Variants in PPM1M observed in about 807,000 individuals in gnomAD.
The protein encoded by PPM1M is protein phosphatase, Mg2+/Mn2+ dependent 1M.
PPM1M carries 44 observed loss-of-function variants against 50.8 expected under a neutral mutation model. The ratio of observed to expected loss-of-function variants is 0.87; its 90% CI spans 0.68 to 1.11. The LOEUF (loss-of-function observed/expected upper bound fraction) is 1.11. Ranked by LOEUF, PPM1M falls within the 50% of genes most tolerant of loss-of-function variation. The pLI is 0.00. For synonymous variants in PPM1M, 224 were observed against 242.9 expected, an observed-to-expected ratio of 0.92 and a Z score of 0.72; for missense variants, 556 against 593.4, an observed-to-expected ratio of 0.94 and a Z score of 0.66.
chr3:52,249,088 C>T, intron 8 of PPM1M, 25 bp downstream of exon 8: 2 of 1,608,058 alleles, frequency 1.2e-6, no homozygotes, highest in Non-Finnish European at 1.7e-6. Context: ...CTGTCCAACC[C>T]AGCTTCCATC....
In PPM1M at chr3:52,249,082, C is replaced by T. The variant is rs1278039855; in HGVS notation, c.1086+19C>T. The T allele has an allele frequency of 6.2e-7, 1 of 1,607,804 alleles. No individual in the cohort carries two copies. Among genetic ancestry groups the T allele is most frequent in the African/African-American group, 1.3e-5 (1 of 74,792 alleles). On this transcript the variant is annotated intron_variant, in intron 8 of 9. Transcript: ENST00000323588. ...GCCACAGGTAAGGGGGCAACGCTGTCCAACCCAGCTTCCATCTGCCCAGAA... is the reference window on the plus strand; with the variant it reads ...GCCACAGGTAAGGGGGCAACGCTGTTCAACCCAGCTTCCATCTGCCCAGAA...
intron 8 of PPM1M, 29 bp downstream of exon 8, chr3:52,249,092 T>C: frequency 6.2e-7 from 1 of 1,608,330 alleles, no homozygotes; most frequent in African/African-American, 1.3e-5. Context: ...CCAACCCAGC[T>C]TCCATCTGCC....
rs773210447 is a variant in PPM1M, at chr3:52,247,702, G to A, written c.618G>A (p.Glu206=). The A allele has an allele frequency of 2.5e-6, 4 of 1,603,750 alleles. No homozygotes were observed. The highest frequency in any genetic ancestry group is 4.5e-5 in the East Asian group (2 of 44,550). Reference sequence around the variant, plus strand: ...CCCAGGATGAGGTGATCGGGCGGGAGCTGGAGGCCTCAGGCCAGATGGGCG... The same window carrying A: ...CCCAGGATGAGGTGATCGGGCGGGAACTGGAGGCCTCAGGCCAGATGGGCG... ...FQECDEVIGR[E]LEASGQMGGC... Residue 206 remains glutamate, a synonymous_variant, in exon 4 of 10, where the codon GAG becomes GAA. Coordinates refer to ENST00000323588, the MANE Select transcript of PPM1M (RefSeq NM_144641.4).
At chr3:52,248,110 T>C (rs371278965) in intron 4 of PPM1M, 43 bp from the exon 5 acceptor site, 2 of 1,518,734 alleles carry the variant, frequency 1.3e-6, no homozygotes, top group African/African-American at 2.8e-5. Flanking sequence ...TGGGTGAGGG[T>C]GGAGGCCTCC....
rs557005038 is a variant in PPM1M at position 52,247,081 on chromosome 3, C to T, written c.450C>T (p.Ala150=). 18 of 1,581,988 alleles carry T rather than the reference C, an allele frequency of 1.1e-5. No homozygotes were observed. The highest frequency in any genetic ancestry group is 2.3e-5 in the South Asian group (2 of 86,754). ...LHSCLRRQLE[A]VVEGLVATQP... ...CCTGCTTGCGCCGGCAGCTGGAGGC[C>T]GTGGTGGAAGGCTTGGTGGCCACTC... The change falls in exon 3 of 10, where the codon GCC becomes GCT. Residue 150 remains alanine (A), a synonymous_variant. Coordinates refer to ENST00000323588, the MANE Select transcript of PPM1M (RefSeq NM_144641.4).
rs1699914890 is a variant in PPM1M at position 52,249,025 on chromosome 3, A to G, written c.1048A>G (p.Asn350Asp). 1.9e-6 allele frequency: 3 copies of G among 1,611,552 alleles called. No individual in the cohort carries two copies. Among genetic ancestry groups the G allele is most frequent in the Non-Finnish European group, 2.5e-6 (3 of 1,178,886 alleles). Residue 350 changes from asparagine (N) to aspartate (D), a missense_variant, in exon 8 of 10, where the codon AAC (asparagine) becomes GAC (aspartate). By Grantham distance (23) the Asn-to-Asp change is conservative (BLOSUM62 1). Transcript: ENST00000323588. ...CCATCAGCTCAGAGTCCTGGACACA[A>G]ACATCCAGCTCAAGCCCTTCTTGCT... is the stretch of plus-strand genomic sequence containing the variant. The part of the protein sequence containing the change: ...GDHQLRVLDT[N>D]IQLKPFLLSV...
chr3:52,246,451 C>G (rs1699858088), intron 1 of PPM1M: 1 of 836,348 alleles, frequency 1.2e-6, no homozygotes, highest in Non-Finnish European at 1.6e-6. Context: ...GCAACCTACC[C>G]TTACCGTCTA....
In PPM1M at chr3:52,245,950, C is replaced by T. The variant is rs1252207526; in HGVS notation, c.126C>T (p.Ser42=). ...RRPRFLRGSS[S]SPGAADASRR... is the part of the protein sequence containing the mutation. The stretch of plus-strand genomic sequence containing the variant: ...CCCGCTTCCTTCGCGGCTCCAGCTC[C>T]AGCCCCGGGGCGGCCGACGCCTCGC... The change falls in exon 1 of 10, where the codon TCC becomes TCT. Residue 42 remains serine, a synonymous_variant. Transcript: ENST00000323588. The surrounding 1 kb of genome is among the most constrained non-coding windows in gnomAD (Gnocchi z 4.8). The T allele has an allele frequency of 2.4e-6, 3 of 1,248,324 alleles. No individual in the cohort carries two copies. In the Admixed American group the frequency reaches 7.7e-5, roughly 32 times the overall value. 77.3% of individuals were successfully genotyped at this position (1,248,324 alleles called of 1,614,324 possible).
chr3:52,248,545 G>A, intron 6 of PPM1M, 92 bp downstream of exon 6: 2 of 1,584,354 alleles, frequency 1.3e-6, no homozygotes, highest in Non-Finnish European at 1.7e-6. Context: ...TTGGCAGGGT[G>A]GCACTGTGAG....
Position 52,249,911 on chromosome 3 carries a change from C to A in PPM1M, c.*97C>A. 2 of 1,121,580 alleles carry A rather than the reference C, an allele frequency of 1.8e-6. No individual in the cohort carries two copies. The highest frequency in any genetic ancestry group is 1.3e-6 in the Non-Finnish European group (1 of 778,252). 69.5% of individuals were successfully genotyped at this position (1,121,580 alleles called of 1,614,324 possible). On this transcript the variant is annotated 3_prime_UTR_variant, in exon 10 of 10. Transcript: ENST00000323588. The stretch of plus-strand genomic sequence containing the variant: ...AGAGCAAATCCTGCCTGCCCTATCC[C>A]TAGCCACCGCCCAGTGCTCTCACTA...
chr3:52,248,026 G>A, intron 4 of PPM1M, 127 bp from the exon 5 acceptor site: 1 of 893,182 alleles, frequency 1.1e-6, no homozygotes, highest in Admixed American at 2.1e-5. Context: ...GGTAGTCATG[G>A]AGGGCTTTAA....
intron 2 of PPM1M, 53 bp downstream of exon 2, chr3:52,246,865 G>A (rs1252523873): frequency 7.4e-6 from 11 of 1,488,572 alleles, no homozygotes; most frequent in Non-Finnish European, 9.9e-6. Flanking sequence ...CTGGGGCCAC[G>A]ACCTGCAGGC....
chr3:52,248,662 G>C lies in PPM1M; in HGVS notation c.940G>C (p.Asp314His). 1 of 1,613,870 alleles carries C rather than the reference G, an allele frequency of 6.2e-7. No homozygotes were observed. The change falls in exon 7 of 10, where the codon GAT becomes CAT. Residue 314 changes from aspartate (D) to histidine (H), a missense_variant. Transcript: ENST00000323588. ...GAGCTACAAACGTGTGGAGAAATCG[G>C]ATCTCAAGTACCCACTGATCCATGG... ...GWSYKRVEKS[D>H]LKYPLIHGQG...
In PPM1M at chr3:52,247,003, C is replaced by G. The variant is rs565913958; in HGVS notation, c.372C>G (p.Phe124Leu). ...TGACAGGCCATTACTGGGCACTGTT[C>G]GATGGGCACGGCGGTCCTGCAGCAG... ...EFLTGHYWAL[F>L]DGHGGPAAAI... The change falls in exon 3 of 10, where the codon TTC becomes TTG. Residue 124 changes from phenylalanine (F) to leucine (L), a missense_variant. Phe to Leu is a conservative substitution (Grantham distance 22). Coordinates refer to ENST00000323588, the MANE Select transcript of PPM1M (RefSeq NM_144641.4). 1.9e-6 allele frequency: 3 copies of G among 1,547,628 alleles called. No homozygotes were observed. The African/African-American group carries it at 4.1e-5, about 21-fold the overall frequency.
Position 52,250,253 on chromosome 3 carries a change from A to G in PPM1M, c.*439A>G. The G allele has an allele frequency of 1.7e-5, 3 of 171,942 alleles. No homozygotes were observed. Among genetic ancestry groups the G allele is most frequent in the Admixed American group, 1.1e-4 (2 of 18,220 alleles). The allele number at this position is 171,942 out of a possible 1,614,324, so 10.7% of individuals were successfully genotyped here. Reference sequence around the variant, plus strand: ...AGGGCATGTGTTCAACAACCCCCAAAGTCCACGCAGGTGGCTTGTAGAAAC... The same window carrying G: ...AGGGCATGTGTTCAACAACCCCCAAGGTCCACGCAGGTGGCTTGTAGAAAC... On this transcript the variant is annotated 3_prime_UTR_variant, in exon 10 of 10. Coordinates refer to ENST00000323588, the MANE Select transcript of PPM1M (RefSeq NM_144641.4).
At chr3:52,249,376 C>G (rs1186864997) in intron 9 of PPM1M, 54 bp downstream of exon 9, 1 of 1,553,756 alleles carries the variant, frequency 6.4e-7, no homozygotes, top group Admixed American at 1.9e-5. Flanking sequence ...AGCAGCAAGC[C>G]CAAGTAGTTA....
At chr3:52,247,598 A>T in intron 3 of PPM1M, 84 bp from the exon 4 acceptor site, 1 of 911,570 alleles carries the variant, frequency 1.1e-6, no homozygotes, top group Non-Finnish European at 1.8e-6. Context: ...GTAGAAGTGA[A>T]CTGTAGGGTA....
chr3:52,246,202 C>G lies in PPM1M; in HGVS notation c.224+154C>G, dbSNP rs1208125393. The G allele has an allele frequency of 4.0e-6, 4 of 1,010,528 alleles. No individual in the cohort carries two copies. The South Asian group carries it at 1.4e-4, about 36-fold the overall frequency. The allele number at this position is 1,010,528 out of a possible 1,614,324, so 62.6% of individuals were successfully genotyped here. ...TCACCTCCGAATCCTGACAACTTCC[C>G]GGTCATCCCGACCCAGCGTTTTCCT... On this transcript the variant is annotated intron_variant, in intron 1 of 9. Transcript: ENST00000323588.
Position 52,245,995 on chromosome 3 carries a change from C to G in PPM1M, c.171C>G (p.Pro57=). Residue 57 remains proline (P), a synonymous_variant, in exon 1 of 10, where the codon CCC becomes CCG. Coordinates refer to ENST00000323588, the MANE Select transcript of PPM1M (RefSeq NM_144641.4). This position sits in a 1 kb window ranked among gnomAD's most constrained non-coding sequence, Gnocchi z 4.8. ...ADASRRPDSR[P]VRSPARGRTL... is the part of the protein sequence containing the mutation. ...CCTCGCGCCGCCCAGACTCCCGGCCCGTGCGCAGCCCCGCACGAGGACGCA... is the reference window on the plus strand; with the variant it reads ...CCTCGCGCCGCCCAGACTCCCGGCCGGTGCGCAGCCCCGCACGAGGACGCA... The G allele has an allele frequency of 4.0e-6, 5 of 1,242,626 alleles. No homozygotes were observed. Among genetic ancestry groups the G allele is most frequent in the Non-Finnish European group, 4.1e-6 (4 of 967,044 alleles). The allele number at this position is 1,242,626 out of a possible 1,614,324, so 77.0% of individuals were successfully genotyped here.
Sources: gnomAD v4.1 joint callset for allele counts on GRCh38, gnomAD v4.1.1 for gene constraint, Gnocchi (gnomAD v3.1) non-coding constraint, MANE v1.5 for transcripts, NCBI Gene and HGNC (gene_info 2026-07-23, HGNC 2026-07-21) for gene names.